CCDC88A: variants seen among roughly 807,000 people sequenced by gnomAD.
CCDC88A encodes the protein coiled-coil and HOOK domain protein 88A, also known as girdin.
Under a neutral mutation model 234.3 loss-of-function variants are expected in CCDC88A, and 54 were observed. The ratio of observed to expected loss-of-function variants is 0.23; its 90% CI spans 0.19 to 0.29. The LOEUF (loss-of-function observed/expected upper bound fraction) is 0.29, where lower values mean the gene tolerates loss of function less well. Ranked by LOEUF, CCDC88A falls within the 10% of genes least tolerant of loss-of-function variation. The probability of loss-of-function intolerance (pLI) is 1.00; values close to 1 mark genes in which losing one functional copy is unlikely to be tolerated. For synonymous variants in CCDC88A, 753 were observed against 737.8 expected, an observed-to-expected ratio of 1.02 and a Z score of -0.33; for missense variants, 1,832 against 2,123.4, an observed-to-expected ratio of 0.86 and a Z score of 2.70.
intron 17 of CCDC88A, among the ~76,000 whole-genome samples, chr2:55,327,409 T>C (rs1394120486): frequency 6.6e-6 from 1 of 152,196 alleles, no homozygotes; most frequent in African/African-American, 2.4e-5. Flanking sequence ...CAAGAGGTAA[T>C]GACTGCTATG....
At chr2:55,404,525 A>C (rs1679235441) in intron 2 of CCDC88A, 1 of 152,232 alleles carries the variant, frequency 6.6e-6, no homozygotes, top group African/African-American at 2.4e-5. Flanking sequence ...TAAGACAAAC[A>C]AAAATTAAAT....
chr2:55,419,434 AC>A lies in CCDC88A; in HGVS notation c.-356del. The A allele has an allele frequency of 3.9e-6, 1 of 257,990 alleles. No individual in the cohort carries two copies. Among genetic ancestry groups the A allele is most frequent in the Non-Finnish European group, 7.6e-6 (1 of 132,328 alleles). The allele number at this position is 257,990 out of a possible 1,614,324, so 16.0% of individuals were successfully genotyped here. On this transcript the variant is annotated 5_prime_UTR_variant, in exon 1 of 33. Transcript: ENST00000436346. ...GTTGTCCAGCTCCTGGAGGATCCAG[AC>A]CAGCGAAACTGCTCCCAATGAATCA... is the stretch of plus-strand genomic sequence containing the variant.
At chr2:55,409,840 A>C (rs1339439052) in intron 2 of CCDC88A, among the ~76,000 whole-genome samples, 3 of 143,942 alleles carry the variant, frequency 2.1e-5, no homozygotes, top group Non-Finnish European at 4.5e-5. Context: ...TCCCAGCTTC[A>C]AGTGATTCTC....
At chr2:55,292,405 G>C (rs1232915068) in intron 31 of CCDC88A, 1 of 152,150 alleles carries the variant, frequency 6.6e-6, no homozygotes, top group East Asian at 1.9e-4. Context: ...AGTCAGAGTT[G>C]TTTCACTTTT....
At chr2:55,384,098 C>G (rs1290679872) in intron 3 of CCDC88A, among the ~76,000 whole-genome samples, 2 of 151,954 alleles carry the variant, frequency 1.3e-5, no homozygotes, top group Non-Finnish European at 2.9e-5. Flanking sequence ...ACTTAGGAGG[C>G]TGAGGCGGAA....
intron 2 of CCDC88A, among the ~76,000 whole-genome samples, chr2:55,399,358 C>G (rs902732371): frequency 6.6e-6 from 1 of 151,730 alleles, no homozygotes; most frequent in African/African-American, 2.4e-5. Context: ...AACCCCGTCT[C>G]TACTAAAAAT....
chr2:55,320,747 A>G (rs888113860), intron 18 of CCDC88A: 1 of 152,212 alleles, frequency 6.6e-6, no homozygotes, highest in Non-Finnish European at 1.5e-5. Flanking sequence ...AAGAAAAATT[A>G]AAGCACTAGG....
intron 2 of CCDC88A, among the ~76,000 whole-genome samples, chr2:55,407,024 G>A (rs1679708178): frequency 1.3e-5 from 2 of 152,028 alleles, no homozygotes; most frequent in South Asian, 4.1e-4. Context: ...ACCAGCCTGG[G>A]AAACAAAGTA....
rs926857886 is a variant in CCDC88A at position 55,290,948 on chromosome 2, T to C, written c.*252A>G. 1 of 152,550 alleles carries C rather than the reference T, an allele frequency of 6.6e-6. No individual in the cohort carries two copies. The highest frequency in any genetic ancestry group is 1.5e-5 in the Non-Finnish European group (1 of 67,964). 9.4% of individuals were successfully genotyped at this position (152,550 alleles called of 1,614,324 possible). A position where few individuals can be genotyped will look rare whatever the true frequency, so the allele number is the denominator to read the frequency against. ...CAGTAGATCTTAACAGTACAAGGTA[T>C]AGTAAGTCCTAAAACCTTTAAAAAA... is the stretch of plus-strand genomic sequence containing the variant. On this transcript the variant is annotated 3_prime_UTR_variant, in exon 33 of 33. Transcript: ENST00000436346.
intron 17 of CCDC88A, among the ~76,000 whole-genome samples, chr2:55,326,160 CCT>C (rs1259256656): frequency 6.3e-5 from 9 of 142,224 alleles, no homozygotes; most frequent in Admixed American, 4.2e-4. Flanking sequence ...TACTTTCTTC[CCT>C]GTTTCTTCTT....
intron 2 of CCDC88A, among the ~76,000 whole-genome samples, chr2:55,411,822 A>G (rs1011091162): frequency 6.6e-6 from 1 of 151,206 alleles, no homozygotes; most frequent in Non-Finnish European, 1.5e-5. Flanking sequence ...ATTGGACAGG[A>G]AAGTTATTGG....
intron 3 of CCDC88A, among the ~76,000 whole-genome samples, chr2:55,381,605 A>T (rs1301407905): frequency 6.6e-6 from 1 of 151,954 alleles, no homozygotes; most frequent in Non-Finnish European, 1.5e-5. Flanking sequence ...ATACATTACA[A>T]ATTTTTGTGA....
intron 7 of CCDC88A, among the ~76,000 whole-genome samples, chr2:55,357,831 T>G (rs1278672699): frequency 6.6e-6 from 1 of 152,210 alleles, no homozygotes; most frequent in Non-Finnish European, 1.5e-5. Flanking sequence ...CCGATTCCAG[T>G]ATGTCTGTTG....
intron 9 of CCDC88A, chr2:55,348,681 G>A (rs1280712550): frequency 2.0e-5 from 3 of 152,146 alleles, no homozygotes; most frequent in Admixed American, 2.0e-4. Flanking sequence ...TGGTGAGGAG[G>A]CTTGAGACCA....
intron 2 of CCDC88A, among the ~76,000 whole-genome samples, chr2:55,402,711 A>T (rs1382543360): frequency 1.4e-4 from 21 of 145,234 alleles, no homozygotes; most frequent in African/African-American, 5.3e-4. Context: ...ATTACTATTT[A>T]AAAAAAAAAA....
intron 2 of CCDC88A, among the ~76,000 whole-genome samples, chr2:55,403,225 T>C (rs979013575): frequency 1.3e-5 from 2 of 152,250 alleles, no homozygotes; most frequent in Non-Finnish European, 2.9e-5. Context: ...TTGTCTGTCA[T>C]TCTTTCAAGT....
At chr2:55,349,800 A>C (rs1208109781) in intron 8 of CCDC88A, 3 of 463,602 alleles carry the variant, frequency 6.5e-6, no homozygotes, top group Non-Finnish European at 1.1e-5. Flanking sequence ...CTCTTCCCTA[A>C]TGTTTTCCAA....
chr2:55,328,226 T>C lies in CCDC88A; in HGVS notation c.2997+68A>G, dbSNP rs757593820. On this transcript the variant is annotated intron_variant, in intron 17 of 32. Transcript: ENST00000436346. This position sits in a 1 kb window ranked among gnomAD's most constrained non-coding sequence, Gnocchi z 4.3. Reference sequence around the variant, plus strand: ...ATGTTTATATTTTTATTTTCTACTTTATATTTTTCTGTCCAAATATTTATA... The same window carrying C: ...ATGTTTATATTTTTATTTTCTACTTCATATTTTTCTGTCCAAATATTTATA... 4 of 1,151,210 alleles carry C rather than the reference T, an allele frequency of 3.5e-6. No individual in the cohort carries two copies. The highest frequency in any genetic ancestry group is 3.7e-6 in the Non-Finnish European group (3 of 819,672). The allele number at this position is 1,151,210 out of a possible 1,614,324, so 71.3% of individuals were successfully genotyped here.
At chr2:55,403,005 T>C (rs1678975827) in intron 2 of CCDC88A, among the ~76,000 whole-genome samples, 1 of 150,962 alleles carries the variant, frequency 6.6e-6, no homozygotes, top group South Asian at 2.1e-4. Context: ...CAAGACTCCG[T>C]CTAAAAAAAA....
Sources: gnomAD v4.1 joint callset for allele counts (sites outside exome capture counted in the v4.1 genomes callset) on GRCh38, gnomAD v4.1.1 for gene constraint, Gnocchi (gnomAD v3.1) non-coding constraint, MANE v1.5 for transcripts, NCBI Gene and HGNC (gene_info 2026-07-23, HGNC 2026-07-21) for gene names.